UVRAG: variants seen among roughly 807,000 people sequenced by gnomAD.
UVRAG encodes the protein UV radiation resistance associated, also known as UV radiation resistance-associated gene protein.
In UVRAG, 19 loss-of-function variants were observed where a neutral mutation model predicts 78.0. The observed-to-expected ratio is 0.24, with a 90% CI of 0.17 to 0.36. The LOEUF (loss-of-function observed/expected upper bound fraction) is 0.36. Ranked by LOEUF, UVRAG falls within the 10% of genes least tolerant of loss-of-function variation. The probability of loss-of-function intolerance (pLI) is 1.00; values close to 1 mark genes in which losing one functional copy is unlikely to be tolerated. For missense variants in UVRAG, 740 were observed against 853.8 expected (o/e 0.87, Z 1.66); for synonymous variants, 323 against 324.6 (o/e 1.00, Z 0.05).
chr11:75,873,574 G>A (rs890147321), intron 3 of UVRAG, among the ~76,000 whole-genome samples: 4 of 152,142 alleles, frequency 2.6e-5, no homozygotes, highest in African/African-American at 9.7e-5. Context: ...GAGGCAGGGA[G>A]GGGGTCCCAC....
chr11:75,992,106 A>G (rs890337395), intron 8 of UVRAG, among the ~76,000 whole-genome samples: 1 of 152,192 alleles, frequency 6.6e-6, no homozygotes, highest in Admixed American at 6.5e-5. Flanking sequence ...TGATTTGTCC[A>G]AAATCACATA....
chr11:76,116,881 G>A (rs1464732799), intron 14 of UVRAG, among the ~76,000 whole-genome samples: 2 of 152,130 alleles, frequency 1.3e-5, no homozygotes, highest in Admixed American at 1.3e-4. Flanking sequence ...AACTGTGGTT[G>A]GTCTTTACTT....
At chr11:75,894,104 C>G (rs1201439550) in intron 5 of UVRAG, among the ~76,000 whole-genome samples, 2 of 152,162 alleles carry the variant, frequency 1.3e-5, no homozygotes, top group Non-Finnish European at 2.9e-5. Context: ...AATTTAATTT[C>G]TGACTGTAAG....
intron 6 of UVRAG, among the ~76,000 whole-genome samples, chr11:75,925,418 A>G (rs542416886): frequency 6.6e-6 from 1 of 152,360 alleles, no homozygotes; most frequent in East Asian, 1.9e-4. Flanking sequence ...TCACCTTGGA[A>G]GAGAATCTGA....
At chr11:76,037,203 T>G (rs888858629) in intron 12 of UVRAG, among the ~76,000 whole-genome samples, 5 of 152,184 alleles carry the variant, frequency 3.3e-5, no homozygotes, top group Admixed American at 6.5e-5. Context: ...TTGCCACTTT[T>G]GTATGAAAGA....
intron 3 of UVRAG, among the ~76,000 whole-genome samples, chr11:75,870,462 G>A (rs1256375391): frequency 1.3e-5 from 2 of 152,046 alleles, no homozygotes; most frequent in Admixed American, 6.6e-5. Context: ...CATTCACCAA[G>A]TGTCATTTTT....
chr11:75,983,091 T>C (rs1949425144), intron 7 of UVRAG, among the ~76,000 whole-genome samples: 1 of 152,176 alleles, frequency 6.6e-6, no homozygotes, highest in Non-Finnish European at 1.5e-5. Context: ...TATTATTAAG[T>C]TTTAAAAATC....
At chr11:76,115,305 A>G (rs999223760) in intron 13 of UVRAG, among the ~76,000 whole-genome samples, 13 of 152,344 alleles carry the variant, frequency 8.5e-5, no homozygotes, top group African/African-American at 2.6e-4. Flanking sequence ...CTCTCCAGCT[A>G]TGTGCTCTGG....
At chr11:76,124,015 CG>C (rs1952338859) in intron 14 of UVRAG, among the ~76,000 whole-genome samples, 1 of 152,166 alleles carries the variant, frequency 6.6e-6, no homozygotes, top group Non-Finnish European at 1.5e-5. Context: ...CCACCCGCCT[CG>C]GCCTCCCAAA....
chr11:76,119,658 C>T (rs1952241228), intron 14 of UVRAG, among the ~76,000 whole-genome samples: 1 of 152,206 alleles, frequency 6.6e-6, no homozygotes, highest in Non-Finnish European at 1.5e-5. Context: ...TCTTATTCAT[C>T]AGCAAGCCCT....
chr11:76,032,088 G>A (rs1203696544), intron 12 of UVRAG, among the ~76,000 whole-genome samples: 2 of 152,174 alleles, frequency 1.3e-5, no homozygotes, highest in South Asian at 2.1e-4. Flanking sequence ...GGTAATTTGG[G>A]GGAATATTTT....
At chr11:75,962,266 C>T (rs575645884) in intron 7 of UVRAG, among the ~76,000 whole-genome samples, 88 of 152,094 alleles carry the variant, frequency 5.8e-4, no homozygotes, top group African/African-American at 2.0e-3. Context: ...AATATTTGTT[C>T]GTGTGAACTC....
chr11:76,075,485 C>T (rs1951387523), intron 13 of UVRAG, among the ~76,000 whole-genome samples: 2 of 151,818 alleles, frequency 1.3e-5, no homozygotes, highest in African/African-American at 2.4e-5. Flanking sequence ...GGGTTGCAGT[C>T]GCCTGTAATC....
At chr11:75,933,913 T>C (rs1948300496) in intron 6 of UVRAG, among the ~76,000 whole-genome samples, 1 of 152,160 alleles carries the variant, frequency 6.6e-6, no homozygotes, top group African/African-American at 2.4e-5. Flanking sequence ...AAATGTAAAT[T>C]AGTACAACCA....
At chr11:76,136,562 G>C (rs1390936389) in intron 14 of UVRAG, among the ~76,000 whole-genome samples, 2 of 147,318 alleles carry the variant, frequency 1.4e-5, no homozygotes, top group African/African-American at 5.1e-5. Context: ...AGGCTAAAGT[G>C]CAGTGGTATG....
intron 12 of UVRAG, among the ~76,000 whole-genome samples, chr11:76,019,617 A>G (rs1950205198): frequency 6.6e-6 from 1 of 152,204 alleles, no homozygotes; most frequent in African/African-American, 2.4e-5. Context: ...GTGGTCTTGG[A>G]TAAGATCCAG....
chr11:75,872,458 G>T (rs1199562258), intron 3 of UVRAG, among the ~76,000 whole-genome samples: 4 of 149,196 alleles, frequency 2.7e-5, no homozygotes, highest in African/African-American at 9.9e-5. Flanking sequence ...GTGCGATCTC[G>T]GCTCCCTGCA....
intron 13 of UVRAG, among the ~76,000 whole-genome samples, chr11:76,092,799 G>A (rs1457310692): frequency 6.6e-6 from 1 of 152,180 alleles, no homozygotes; most frequent in African/African-American, 2.4e-5. Flanking sequence ...TGTTCACTCT[G>A]ATGATAGTTT....
chr11:75,878,078 G>T (rs1200151707), intron 3 of UVRAG, among the ~76,000 whole-genome samples: 1 of 150,640 alleles, frequency 6.6e-6, no homozygotes, highest in African/African-American at 2.4e-5. Flanking sequence ...GCGGCTGCCG[G>T]GCGGAGGGGC....
Sources: gnomAD v4.1 joint callset for allele counts (sites outside exome capture counted in the v4.1 genomes callset) on GRCh38, gnomAD v4.1.1 for gene constraint, MANE v1.5 for transcripts, NCBI Gene and HGNC (gene_info 2026-07-23, HGNC 2026-07-21) for gene names.